MTF1: variants seen among roughly 807,000 people sequenced by gnomAD.
The protein encoded by MTF1 is MRE-binding transcription factor.
Under a neutral mutation model 70.4 loss-of-function variants are expected in MTF1, and 22 were observed. That is an observed-to-expected ratio of 0.31 (90% CI 0.22 to 0.45). The LOEUF is 0.45. Among genes scored for constraint, MTF1 ranks in the 20% least tolerant of loss-of-function variants. The probability of loss-of-function intolerance (pLI) is 1.00; values close to 1 mark genes in which losing one functional copy is unlikely to be tolerated. For synonymous variants in MTF1, 333 were observed against 352.8 expected, an observed-to-expected ratio of 0.94 and a Z score of 0.63; for missense variants, 649 against 922.0, an observed-to-expected ratio of 0.70 and a Z score of 3.83.
chr1:37,826,392 C>T lies in MTF1; in HGVS notation c.1069-2580G>A, dbSNP rs918423177. 3.9e-5 allele frequency among the ~76,000 whole-genome samples: 6 copies of T among 152,216 alleles called. No homozygotes were observed. In the South Asian group the frequency reaches 1.2e-3, roughly 32 times the overall value. On this transcript the variant is annotated intron_variant, in intron 7 of 10. Transcript: ENST00000373036. ...CTTGAACTCCTAGGTTCAAGATCCT[C>T]CCCTAGACCTCCCAAGTAGCTGGGA... is the stretch of plus-strand genomic sequence containing the variant.
In MTF1 at chr1:37,827,503, G is replaced by A. The variant is rs895277552; in HGVS notation, c.1069-3691C>T. Among the ~76,000 whole-genome samples, 6 of 152,014 alleles carry A rather than the reference G, an allele frequency of 3.9e-5. No individual in the cohort carries two copies. The East Asian group carries it at 5.8e-4, about 15-fold the overall frequency. On this transcript the variant is annotated intron_variant, in intron 7 of 10. Transcript: ENST00000373036. Reference sequence around the variant, plus strand: ...CTCCCAAGTAGCTGGGACTACAGGCGCCTGCCATCATGCCCGGCTAATTTT... The same window carrying A: ...CTCCCAAGTAGCTGGGACTACAGGCACCTGCCATCATGCCCGGCTAATTTT...
intron 1 of MTF1, among the ~76,000 whole-genome samples, chr1:37,858,334 G>A (rs1209229739): frequency 2.0e-5 from 3 of 152,234 alleles, no homozygotes; most frequent in Non-Finnish European, 4.4e-5. Flanking sequence ...TACTACATGG[G>A]TAACTTTTCT....
At chr1:37,818,536 C>G (rs1278029493) in intron 9 of MTF1, among the ~76,000 whole-genome samples, 1 of 150,912 alleles carries the variant, frequency 6.6e-6, no homozygotes, top group Non-Finnish European at 1.5e-5. Flanking sequence ...AACTCCATCT[C>G]TACTAAAAAT....
intron 2 of MTF1, among the ~76,000 whole-genome samples, chr1:37,842,747 A>C (rs1641274808): frequency 1.3e-5 from 2 of 152,128 alleles, no homozygotes; most frequent in African/African-American, 4.8e-5. Context: ...TGAGACAGAG[A>C]AACCAAGAAC....
At chr1:37,822,913 T>G (rs777467811) in intron 8 of MTF1, among the ~76,000 whole-genome samples, 197 bp from the exon 9 acceptor site, 9 of 152,162 alleles carry the variant, frequency 5.9e-5, no homozygotes, top group Non-Finnish European at 8.8e-5. Context: ...TCAACCTCAC[T>G]TCCTAAATGT....
intron 2 of MTF1, among the ~76,000 whole-genome samples, chr1:37,851,941 T>C (rs1162747795): frequency 1.3e-5 from 2 of 151,858 alleles, no homozygotes; most frequent in Admixed American, 1.3e-4. Flanking sequence ...ACTCAAAACC[T>C]GGCTTCAGCC....
intron 2 of MTF1, among the ~76,000 whole-genome samples, chr1:37,852,547 C>G (rs1641432262): frequency 6.6e-6 from 1 of 152,164 alleles, no homozygotes; most frequent in Non-Finnish European, 1.5e-5. Context: ...TAGATTTGAG[C>G]TCCATCAAAA....
At position 37,822,425 on chromosome 1, in the gene MTF1, T is replaced by A. The variant is rs779700768; in HGVS notation, c.1463A>T (p.His488Leu). The A allele has an allele frequency of 1.4e-5, 22 of 1,613,742 alleles. No homozygotes were observed. Among genetic ancestry groups the A allele is most frequent in the Non-Finnish European group, 1.9e-5 (22 of 1,179,986 alleles). ...FAANHQEFLP[H>L]PQAPQPIVPG... ...TACAATGGGCTGCGGTGCCTGGGGG[T>A]GCGGAAGAAACTCTTGATGATTAGC... The change falls in exon 9 of 11, where the codon CAC becomes CTC. Residue 488 changes from histidine to leucine, a missense_variant. By Grantham distance (99) the His-to-Leu change is moderately conservative. This residue lies in a region of MTF1 where 267 missense variants were observed against 292.1 expected (regional missense o/e 0.91). Coordinates refer to ENST00000373036, the MANE Select transcript of MTF1 (RefSeq NM_005955.3).
intron 7 of MTF1, among the ~76,000 whole-genome samples, chr1:37,829,784 C>CAA (rs57820411): frequency 2.8e-5 from 3 of 105,906 alleles, no homozygotes; most frequent in Non-Finnish European, 2.0e-5. Context: ...GACTCTGTCT[C>CAA]AAAAAAAAAA....
At chr1:37,836,550 C>T (rs1008332123) in intron 4 of MTF1, among the ~76,000 whole-genome samples, 1 of 152,078 alleles carries the variant, frequency 6.6e-6, no homozygotes, top group Non-Finnish European at 1.5e-5. Flanking sequence ...AGGAATCTTT[C>T]CCTCCTCAGA....
In MTF1 at chr1:37,822,412, C is replaced by G; in HGVS notation, c.1476G>C (p.Pro492=). 1 of 1,614,060 alleles carries G rather than the reference C, an allele frequency of 6.2e-7. No individual in the cohort carries two copies. The highest frequency in any genetic ancestry group is 8.5e-7 in the Non-Finnish European group (1 of 1,180,006). Residue 492 remains proline, a synonymous_variant, in exon 9 of 11, where the codon CCG becomes CCC. Transcript: ENST00000373036. ...CAGAAAGTCCTGGTACAATGGGCTG[C>G]GGTGCCTGGGGGTGCGGAAGAAACT... The part of the protein sequence containing the change: ...HQEFLPHPQA[P]QPIVPGLSVV...
At position 37,819,344 on chromosome 1, in the gene MTF1, C is replaced by T. The variant is rs746697397; in HGVS notation, c.1768-1862G>A. ...TCAGTAAACATTCATTATTTAAGAC[C>T]GGGCGCGGTGGCTCACGCCTGTAAT... is the stretch of plus-strand genomic sequence containing the variant. On this transcript the variant is annotated intron_variant, in intron 9 of 10. Coordinates refer to ENST00000373036, the MANE Select transcript of MTF1 (RefSeq NM_005955.3). Among the ~76,000 whole-genome samples, 30 of 152,238 alleles carry T rather than the reference C, an allele frequency of 2.0e-4. 1 individual carries two copies. Among genetic ancestry groups the T allele is most frequent in the South Asian group, 4.1e-4 (2 of 4,828 alleles).
At chr1:37,846,915 CATAA>C (rs1365511552) in intron 2 of MTF1, among the ~76,000 whole-genome samples, 1 of 152,170 alleles carries the variant, frequency 6.6e-6, no homozygotes, top group Non-Finnish European at 1.5e-5. Context: ...TGAACATTCT[CATAA>C]ATAAATGACT....
chr1:37,822,609 G>T lies in MTF1; in HGVS notation c.1279C>A (p.Leu427Ile). 6.2e-7 allele frequency: 1 copy of T among 1,613,948 alleles called. No individual in the cohort carries two copies. Among genetic ancestry groups the T allele is most frequent in the South Asian group, 1.1e-5 (1 of 91,072 alleles). ...LSLPLVLQPG[L>I]SEPPQPLLPA... Reference sequence around the variant, plus strand: ...AGTAGAGGCTGGGGTGGCTCGGAGAGGCCAGGTTGCAGTACAAGTGGAAGA... The same window carrying T: ...AGTAGAGGCTGGGGTGGCTCGGAGATGCCAGGTTGCAGTACAAGTGGAAGA... The change falls in exon 9 of 11, where the codon CTC becomes ATC. Residue 427 changes from leucine to isoleucine, a missense_variant. Leu to Ile is a conservative substitution (Grantham distance 5). Around this residue, in one of 7 missense-constraint regions of MTF1, gnomAD observed 267 missense variants for 292.1 expected, o/e 0.91. Transcript: ENST00000373036.
chr1:37,852,874 AC>A (rs1641437388), intron 2 of MTF1, among the ~76,000 whole-genome samples: 1 of 152,030 alleles, frequency 6.6e-6, no homozygotes. Context: ...CAACTGATCC[AC>A]CTGCCTCTGC....
Position 37,857,512 on chromosome 1 carries a change from A to C in MTF1, c.147T>G (p.Val49=). The C allele has an allele frequency of 6.2e-7, 1 of 1,614,202 alleles. No individual in the cohort carries two copies. The highest frequency in any genetic ancestry group is 8.5e-7 in the Non-Finnish European group (1 of 1,180,036). ...AAGTGCCAGGGTCCTGCTCAATAAG[A>C]ACAGTGGTCCTATCATAAACAGTTC... The part of the protein sequence containing the change: ...SSGTVYDRTT[V]LIEQDPGTLE... Residue 49 remains valine, a synonymous_variant, in exon 2 of 11, where the codon GTT becomes GTG. Transcript: ENST00000373036.
chr1:37,858,507 C>T (rs965220663), intron 1 of MTF1: 1 of 152,180 alleles, frequency 6.6e-6, no homozygotes, highest in African/African-American at 2.4e-5. Context: ...ATGTTTCAAC[C>T]TTCTGGGTGG....
chr1:37,821,941 C>G (rs1222042179), intron 9 of MTF1, among the ~76,000 whole-genome samples, 180 bp downstream of exon 9: 1 of 152,020 alleles, frequency 6.6e-6, no homozygotes, highest in Non-Finnish European at 1.5e-5. Flanking sequence ...ACTATAGGTA[C>G]TGACCACAGC....
intron 1 of MTF1, among the ~76,000 whole-genome samples, chr1:37,858,028 A>AAG (rs993307577): frequency 3.3e-5 from 5 of 151,680 alleles, no homozygotes; most frequent in Non-Finnish European, 5.9e-5. Flanking sequence ...AAAAAAAAAA[A>AAG]AAAGAAAAAG....
Sources: gnomAD v4.1 joint callset for allele counts (sites outside exome capture counted in the v4.1 genomes callset) on GRCh38, gnomAD v4.1.1 for gene constraint, gnomAD v4.1.1 regional missense constraint, MANE v1.5 for transcripts, NCBI Gene and HGNC (gene_info 2026-07-23, HGNC 2026-07-21) for gene names.